NACC2: variants seen among roughly 807,000 people sequenced by gnomAD.
NACC2 encodes the protein nucleus accumbens-associated protein 2.
Under a neutral mutation model 25.1 loss-of-function variants are expected in NACC2, and 8 were observed. The observed-to-expected ratio is 0.32, with a 90% confidence interval of 0.19 to 0.57. NACC2 has a LOEUF of 0.57. NACC2 is among the 20% of genes least tolerant of loss of function. The pLI, the probability that NACC2 is intolerant of heterozygous loss-of-function variation, is 0.89. For synonymous variants in NACC2, 435 were observed against 294.7 expected (o/e 1.48, Z -4.88); for missense variants, 644 against 650.2 (o/e 0.99, Z 0.10).
chr9:136,058,105 CG>C lies in NACC2; in HGVS notation c.-59-7526del, dbSNP rs370517161. The stretch of plus-strand genomic sequence containing the variant: ...GAAACACTACATCAGCCACTGGGGG[CG>C]GGGGGGGCCCAATGACGCCTGGAGC... On this transcript the variant is annotated intron_variant, in intron 1 of 5. Transcript: ENST00000277554. 4.6e-5 allele frequency among the ~76,000 whole-genome samples: 7 copies of C among 151,796 alleles called. No individual in the cohort carries two copies. In the East Asian group the frequency reaches 5.8e-4, roughly 13 times the overall value.
At chr9:136,061,983 G>A (rs1042276499) in intron 1 of NACC2, among the ~76,000 whole-genome samples, 11 of 152,116 alleles carry the variant, frequency 7.2e-5, no homozygotes, top group African/African-American at 2.2e-4. Flanking sequence ...AACTGAGCGT[G>A]GTGGTGTGCA....
intron 2 of NACC2, among the ~76,000 whole-genome samples, chr9:136,021,665 G>A (rs115339046): frequency 1.1e-3 from 167 of 152,250 alleles, no homozygotes; most frequent in African/African-American, 3.8e-3. Context: ...CGCTTATCCC[G>A]TCTCTACTCT....
chr9:136,014,145 G>C (rs1397443374), intron 3 of NACC2, among the ~76,000 whole-genome samples, 176 bp from the exon 4 acceptor site: 9 of 152,112 alleles, frequency 5.9e-5, no homozygotes. Context: ...CACCAGGAGA[G>C]GCCATGGCCA....
At chr9:136,054,479 G>C (rs1474244914) in intron 1 of NACC2, among the ~76,000 whole-genome samples, 1 of 152,160 alleles carries the variant, frequency 6.6e-6, no homozygotes, top group Non-Finnish European at 1.5e-5. Flanking sequence ...TGAACTTTAG[G>C]AGAAAAGAAT....
chr9:136,083,394 C>T lies in NACC2; in HGVS notation c.-60+11795G>A, dbSNP rs192124313. Reference sequence around the variant, plus strand: ...CAGCCACAGAGAAGAGGGAGTGGGGCAGGTGGACACTTTGGCCTTCACCCC... The same window carrying T: ...CAGCCACAGAGAAGAGGGAGTGGGGTAGGTGGACACTTTGGCCTTCACCCC... On this transcript the variant is annotated intron_variant, in intron 1 of 5. Transcript: ENST00000277554. 1.3e-4 allele frequency among the ~76,000 whole-genome samples: 20 copies of T among 152,286 alleles called. No individual in the cohort carries two copies. The East Asian group carries it at 3.9e-3, about 29-fold the overall frequency.
At chr9:136,066,539 A>C (rs2131174794) in intron 1 of NACC2, among the ~76,000 whole-genome samples, 1 of 152,342 alleles carries the variant, frequency 6.6e-6, no homozygotes, top group East Asian at 1.9e-4. Flanking sequence ...AGCGATCGGG[A>C]ATGCAAAATG....
Position 136,011,676 on chromosome 9 carries a change from G to T in NACC2, c.1604C>A (p.Ala535Asp). Residue 535 changes from alanine to aspartate, a missense_variant, in exon 6 of 6, where the codon GCT becomes GAT. Ala to Asp is a moderately radical substitution (Grantham distance 126). Coordinates refer to ENST00000277554, the MANE Select transcript of NACC2 (RefSeq NM_144653.5). ...GGCCACCTCCTGGATGACCGAGCCA[G>T]CCCCGTCCACCTCCTCGCCGGCGTC... The part of the protein sequence containing the change: ...AFDAGEEVDG[A>D]GSVIQEVAAP... The T allele has an allele frequency of 6.9e-7, 1 of 1,447,092 alleles. No individual in the cohort carries two copies. The allele number at this position is 1,447,092 out of a possible 1,614,324, so 89.6% of individuals were successfully genotyped here.
Position 136,049,616 on chromosome 9 carries a change from G to T in NACC2, c.886+20C>A. The stretch of plus-strand genomic sequence containing the variant: ...CCGCTTCCCAGCCAGGTGGTGTGGG[G>T]CTCCACCCCGCCGCGTTACCTGCAT... On this transcript the variant is annotated intron_variant, in intron 2 of 5. Coordinates refer to ENST00000277554, the MANE Select transcript of NACC2 (RefSeq NM_144653.5). 1 of 766,598 alleles carries T rather than the reference G, an allele frequency of 1.3e-6. No individual in the cohort carries two copies. 47.5% of individuals were successfully genotyped at this position (766,598 alleles called of 1,614,324 possible). A position where few individuals can be genotyped will look rare whatever the true frequency, so the allele number is the denominator to read the frequency against.
rs1161543617 is a variant in NACC2 at position 136,086,674 on chromosome 9, G to A, written c.-60+8515C>T. ...ATCCTGTTCCCAAACTTACATAACC[G>A]CAGATGACAACGCCGACTCCTAGGA... On this transcript the variant is annotated intron_variant, in intron 1 of 5. Transcript: ENST00000277554. This position sits in a 1 kb window ranked among gnomAD's most constrained non-coding sequence, Gnocchi z 5.6. 6.6e-6 allele frequency among the ~76,000 whole-genome samples: 1 copy of A among 152,128 alleles called. No individual in the cohort carries two copies.
intron 2 of NACC2, among the ~76,000 whole-genome samples, chr9:136,048,715 G>C (rs1196853579): frequency 2.0e-5 from 3 of 152,236 alleles, no homozygotes; most frequent in Non-Finnish European, 4.4e-5. Context: ...ACGCTGCACA[G>C]GGACCCAGCT....
intron 2 of NACC2, among the ~76,000 whole-genome samples, chr9:136,016,807 C>T (rs1031248923): frequency 6.6e-6 from 1 of 152,116 alleles, no homozygotes; most frequent in African/African-American, 2.4e-5. Flanking sequence ...GCTTGGGTCC[C>T]CAAGGGAGAG....
chr9:136,088,910 G>C (rs1301794159), intron 1 of NACC2, among the ~76,000 whole-genome samples: 1 of 152,240 alleles, frequency 6.6e-6, no homozygotes, highest in Non-Finnish European at 1.5e-5. Context: ...GGAGACAGCA[G>C]GCAATTTGCA....
chr9:136,041,048 A>C (rs889457419), intron 2 of NACC2, among the ~76,000 whole-genome samples: 38 of 149,998 alleles, frequency 2.5e-4, no homozygotes, highest in Non-Finnish European at 3.0e-4. Context: ...AAAAGGAAGG[A>C]AGGAAGGAAG....
intron 2 of NACC2, among the ~76,000 whole-genome samples, chr9:136,021,290 T>C (rs1316273034): frequency 1.3e-5 from 2 of 152,220 alleles, no homozygotes; most frequent in Non-Finnish European, 2.9e-5. Flanking sequence ...TCAAGCATCC[T>C]TAGCCATGGG....
intron 1 of NACC2, 23 bp from the exon 2 acceptor site, chr9:136,050,603 G>A (rs964231252): frequency 3.7e-5 from 26 of 703,312 alleles, no homozygotes; most frequent in East Asian, 3.5e-4. Flanking sequence ...GGAGGCACGT[G>A]GTCAGTTCCT....
At position 136,007,885 on chromosome 9, in the gene NACC2, T is replaced by C. The variant is rs1404410653; in HGVS notation, c.*3631A>G. The C allele has an allele frequency of 6.6e-6, 1 of 152,206 alleles. No homozygotes were observed. The highest frequency in any genetic ancestry group is 1.9e-4 in the East Asian group (1 of 5,192). The allele number at this position is 152,206 out of a possible 1,614,324, so 9.4% of individuals were successfully genotyped here. A position where few individuals can be genotyped will look rare whatever the true frequency, so the allele number is the denominator to read the frequency against. On this transcript the variant is annotated 3_prime_UTR_variant, in exon 6 of 6. Coordinates refer to ENST00000277554, the MANE Select transcript of NACC2 (RefSeq NM_144653.5). The stretch of plus-strand genomic sequence containing the variant: ...GTTTCAGCTGTCGAATGAGGACAGG[T>C]CAGGGTCAGGCACTAGAGCCCCCTC...
intron 2 of NACC2, among the ~76,000 whole-genome samples, chr9:136,046,062 G>A (rs1007021035): frequency 2.0e-5 from 3 of 152,184 alleles, no homozygotes; most frequent in African/African-American, 7.2e-5. Flanking sequence ...AAGAGGGCCC[G>A]AAGAGGAAAG....
chr9:136,030,111 G>C (rs1164289405), intron 2 of NACC2, among the ~76,000 whole-genome samples: 1 of 152,174 alleles, frequency 6.6e-6, no homozygotes, highest in African/African-American at 2.4e-5. Context: ...CTGACCTCAA[G>C]TGAGCCACCC....
At position 136,013,151 on chromosome 9, in the gene NACC2, T is replaced by C. The variant is rs2280485; in HGVS notation, c.1255+48A>G. On this transcript the variant is annotated intron_variant, in intron 5 of 5. Coordinates refer to ENST00000277554, the MANE Select transcript of NACC2 (RefSeq NM_144653.5). The surrounding 1 kb of genome is among the most constrained non-coding windows in gnomAD (Gnocchi z 6.6). ...ACCCAGTCCTCCTCAGGCTGGGATC[T>C]GAACCCAGCCCCGGCCCCACCCACC... is the stretch of plus-strand genomic sequence containing the variant. The C allele has an allele frequency of 0.34, 328,694 of 954,448 alleles. 77,818 individuals are homozygous for C. The highest frequency in any genetic ancestry group is 0.69 in the African/African-American group (39,595 of 57,326). The allele number at this position is 954,448 out of a possible 1,614,324, so 59.1% of individuals were successfully genotyped here.
Sources: allele counts gnomAD v4.1 joint callset (sites outside exome capture counted in the v4.1 genomes callset), GRCh38; gene constraint gnomAD v4.1.1; non-coding constraint Gnocchi (gnomAD v3.1); transcripts MANE v1.5; gene names NCBI Gene and HGNC (gene_info 2026-07-23, HGNC 2026-07-21).